Variants in ATG10 observed in about 807,000 individuals in gnomAD.
ATG10 encodes the protein ubiquitin-like-conjugating enzyme ATG10.
In ATG10, 30 loss-of-function variants were observed where a neutral mutation model predicts 32.1. The observed-to-expected ratio is 0.94, with a 90% CI of 0.70 to 1.27. ATG10 has a LOEUF of 1.27. Ranked by LOEUF, ATG10 falls within the 50% of genes most tolerant of loss-of-function variation. ATG10 has a pLI of 0.00. For missense variants in ATG10, 233 were observed against 262.3 expected, an observed-to-expected ratio of 0.89 and a Z score of 0.77; for synonymous variants, 87 against 91.5, an observed-to-expected ratio of 0.95 and a Z score of 0.28.
intron 2 of ATG10, among the ~76,000 whole-genome samples, chr5:82,028,431 C>A (rs1762653272): frequency 6.6e-6 from 1 of 152,140 alleles, no homozygotes; most frequent in Admixed American, 6.5e-5. Flanking sequence ...AGTTTGTACA[C>A]TGATGGGTGA....
chr5:82,245,649 A>T (rs1052996046), intron 5 of ATG10, among the ~76,000 whole-genome samples: 1 of 152,216 alleles, frequency 6.6e-6, no homozygotes, highest in Non-Finnish European at 1.5e-5. Flanking sequence ...ATGATATAAT[A>T]TATGAATTCT....
At chr5:82,122,445 G>A (rs1351818224) in intron 3 of ATG10, among the ~76,000 whole-genome samples, 1 of 152,112 alleles carries the variant, frequency 6.6e-6, no homozygotes, top group East Asian at 1.9e-4. Context: ...CCTGGACATA[G>A]GAATGGGCAA....
chr5:82,045,312 T>A (rs1763200920), intron 2 of ATG10, among the ~76,000 whole-genome samples: 1 of 152,190 alleles, frequency 6.6e-6, no homozygotes, highest in East Asian at 1.9e-4. Context: ...AATACAATTT[T>A]AGGTTAAGAC....
chr5:82,122,061 T>C (rs1766065426), intron 3 of ATG10, among the ~76,000 whole-genome samples: 2 of 151,690 alleles, frequency 1.3e-5, no homozygotes, highest in East Asian at 3.9e-4. Context: ...TCAGTAGGAA[T>C]GGTACCACAT....
intron 3 of ATG10, among the ~76,000 whole-genome samples, chr5:82,075,129 A>G (rs1295961449): frequency 6.6e-6 from 1 of 152,194 alleles, no homozygotes; most frequent in Non-Finnish European, 1.5e-5. Context: ...TATCATAGGA[A>G]TGAAAAGCTG....
intron 1 of ATG10, among the ~76,000 whole-genome samples, chr5:81,975,777 TTTTG>T (rs1330915620): frequency 1.3e-5 from 2 of 152,090 alleles, no homozygotes; most frequent in Admixed American, 6.5e-5. Context: ...TCTTTTTCTT[TTTTG>T]TTTTTTATTG....
intron 3 of ATG10, among the ~76,000 whole-genome samples, chr5:82,123,015 C>A (rs1581710972): frequency 6.6e-6 from 1 of 152,150 alleles, no homozygotes; most frequent in Non-Finnish European, 1.5e-5. Flanking sequence ...GGGTGTATAT[C>A]CAGAGGAATA....
intron 3 of ATG10, among the ~76,000 whole-genome samples, chr5:82,140,018 A>C: frequency 9.5e-6 from 1 of 105,162 alleles, no homozygotes; most frequent in Admixed American, 8.8e-5. Flanking sequence ...CCTACTGGGA[A>C]GTGAGGAGCC....
chr5:82,023,367 GT>G (rs1762502534), intron 2 of ATG10, among the ~76,000 whole-genome samples: 1 of 152,022 alleles, frequency 6.6e-6, no homozygotes, highest in Non-Finnish European at 1.5e-5. Context: ...TACTTTAGGT[GT>G]TAAATTTGAT....
chr5:82,211,150 T>C (rs1745477651), intron 5 of ATG10, among the ~76,000 whole-genome samples: 1 of 152,214 alleles, frequency 6.6e-6, no homozygotes, highest in Non-Finnish European at 1.5e-5. Context: ...TGTAAAACAC[T>C]GAATCGACTT....
At chr5:82,202,135 T>C (rs778677473) in intron 5 of ATG10, among the ~76,000 whole-genome samples, 3 of 152,192 alleles carry the variant, frequency 2.0e-5, no homozygotes, top group African/African-American at 4.8e-5. Context: ...CTAAGACTTA[T>C]AGAATGATGT....
chr5:82,176,124 A>G (rs568079131), intron 4 of ATG10, among the ~76,000 whole-genome samples: 1 of 152,358 alleles, frequency 6.6e-6, no homozygotes, highest in East Asian at 1.9e-4. Flanking sequence ...ACTGATTACC[A>G]GATATGAAAC....
At chr5:82,080,397 T>C (rs1764435084) in intron 3 of ATG10, among the ~76,000 whole-genome samples, 1 of 152,246 alleles carries the variant, frequency 6.6e-6, no homozygotes, top group South Asian at 2.1e-4. Context: ...TTGGCTTTTG[T>C]TGCCATTGCT....
intron 2 of ATG10, among the ~76,000 whole-genome samples, chr5:82,012,617 G>A (rs1490288683): frequency 6.6e-6 from 1 of 152,070 alleles, no homozygotes; most frequent in Admixed American, 6.6e-5. Flanking sequence ...ATTCCCCATA[G>A]TAGTCTGAGA....
intron 2 of ATG10, among the ~76,000 whole-genome samples, chr5:82,023,022 A>G (rs1192624428): frequency 6.7e-6 from 1 of 149,826 alleles, no homozygotes; most frequent in Non-Finnish European, 1.5e-5. Flanking sequence ...ATATATATAT[A>G]TGTATGTATA....
intron 3 of ATG10, among the ~76,000 whole-genome samples, chr5:82,086,681 A>C (rs1370904432): frequency 6.6e-6 from 1 of 152,198 alleles, no homozygotes; most frequent in African/African-American, 2.4e-5. Context: ...TCTCTTGGTC[A>C]AAGTGAGTCT....
At chr5:82,078,654 C>A (rs542843817) in intron 3 of ATG10, 2 of 152,274 alleles carry the variant, frequency 1.3e-5, no homozygotes, top group East Asian at 3.9e-4. Context: ...CCCATGCTAA[C>A]CAGTAGTGAG....
At chr5:82,071,809 T>C (rs745590836) in intron 3 of ATG10, among the ~76,000 whole-genome samples, 6 of 152,306 alleles carry the variant, frequency 3.9e-5, no homozygotes, top group South Asian at 2.1e-4. Flanking sequence ...TTAGGCTAGC[T>C]GTGCTAGGAT....
rs529226349 is a variant in ATG10, at chr5:82,124,049, G to GT, written c.217-40343dup. On this transcript the variant is annotated intron_variant, in intron 3 of 7. Coordinates refer to ENST00000282185, the MANE Select transcript of ATG10 (RefSeq NM_031482.5). ...GTTAAAAATGGGCTATCTACTTTTTGTTTTTTTCCACTTATATTCCATGGA... is the reference window on the plus strand; with the variant it reads ...GTTAAAAATGGGCTATCTACTTTTTGTTTTTTTTCCACTTATATTCCATGGA... 8.5e-4 allele frequency among the ~76,000 whole-genome samples: 127 copies of GT among 149,638 alleles called. No homozygotes were observed. In the Middle Eastern group the frequency reaches 0.01, roughly 12 times the overall value.
Sources: allele counts gnomAD v4.1 joint callset (sites outside exome capture counted in the v4.1 genomes callset), GRCh38; gene constraint gnomAD v4.1.1; transcripts MANE v1.5; gene names NCBI Gene and HGNC (gene_info 2026-07-23, HGNC 2026-07-21).